NAV3: variants seen among roughly 807,000 people sequenced by gnomAD.
NAV3 encodes neuron navigator 3, also known as pore membrane and/or filament interacting like protein 1.
Under a neutral mutation model 244.7 loss-of-function variants are expected in NAV3, and 87 were observed. The observed-to-expected ratio is 0.36, with a 90% CI of 0.30 to 0.42. The LOEUF is 0.42. Ranked by LOEUF, NAV3 falls within the 20% of genes least tolerant of loss-of-function variation. The probability of loss-of-function intolerance (pLI) is 1.00; values close to 1 mark genes in which losing one functional copy is unlikely to be tolerated. For synonymous variants in NAV3, 1,126 were observed against 1,042.2 expected, an observed-to-expected ratio of 1.08 and a Z score of -1.55; for missense variants, 2,663 against 2,893.3, an observed-to-expected ratio of 0.92 and a Z score of 1.83.
chr12:77,771,240 C>A (rs1016925410), intron 2 of NAV3, among the ~76,000 whole-genome samples: 1 of 152,082 alleles, frequency 6.6e-6, no homozygotes, highest in Non-Finnish European at 1.5e-5. Context: ...GTTAGAATGG[C>A]GATCATTAAA....
At chr12:77,613,335 G>T (rs1007071595) in intron 2 of NAV3, among the ~76,000 whole-genome samples, 1 of 152,102 alleles carries the variant, frequency 6.6e-6, no homozygotes, top group Non-Finnish European at 1.5e-5. Context: ...CAGCGTTGCT[G>T]GTGTCTAAAT....
chr12:77,833,826 G>C (rs1280598859), intron 1 of NAV3, among the ~76,000 whole-genome samples: 1 of 152,146 alleles, frequency 6.6e-6, no homozygotes, highest in Non-Finnish European at 1.5e-5. Context: ...TTTTCCTCTG[G>C]AGTTGGGCCG....
At chr12:77,846,539 G>T (rs1417166201) in intron 1 of NAV3, among the ~76,000 whole-genome samples, 1 of 152,056 alleles carries the variant, frequency 6.6e-6, no homozygotes, top group Non-Finnish European at 1.5e-5. Flanking sequence ...TGGGATGATT[G>T]GTTACTCGAG....
rs1318482051 is a variant in NAV3, at chr12:77,864,130, ATTTGGTTTGTAC to A, written c.243+32430_243+32441del. On this transcript the variant is annotated intron_variant, in intron 1 of 39. Coordinates refer to ENST00000397909, the MANE Select transcript of NAV3 (RefSeq NM_001024383.2). ...AAATCCTGTGATCAGGACACCCCCA[ATTTGGTTTGTAC>A]TTTCACCATTCTATAGCTTCTTCCT... 2.0e-5 allele frequency among the ~76,000 whole-genome samples: 3 copies of A among 151,978 alleles called. No homozygotes were observed. In the East Asian group the frequency reaches 5.8e-4, roughly 29 times the overall value.
At chr12:78,000,372 G>T (rs542546326) in intron 7 of NAV3, among the ~76,000 whole-genome samples, 7 of 152,022 alleles carry the variant, frequency 4.6e-5, no homozygotes, top group Non-Finnish European at 7.4e-5. Flanking sequence ...TAAACGTGGA[G>T]TTAAAACTTT....
chr12:77,641,492 G>T (rs1872409377), intron 2 of NAV3, among the ~76,000 whole-genome samples: 1 of 152,026 alleles, frequency 6.6e-6, no homozygotes, highest in Non-Finnish European at 1.5e-5. Flanking sequence ...TGAAATAGTA[G>T]AAATAAAATG....
At chr12:77,574,094 T>C (rs1233151758) in intron 2 of NAV3, among the ~76,000 whole-genome samples, 1 of 152,124 alleles carries the variant, frequency 6.6e-6, no homozygotes, top group East Asian at 1.9e-4. Context: ...ACTACCTTGG[T>C]GATGTGGCAC....
chr12:77,635,933 T>C (rs984950405), intron 2 of NAV3, among the ~76,000 whole-genome samples: 3 of 152,224 alleles, frequency 2.0e-5, no homozygotes, highest in Admixed American at 6.5e-5. Context: ...GTCAGCCTCT[T>C]ACTCTCCATA....
chr12:78,086,571 A>T (rs896362342), intron 12 of NAV3, among the ~76,000 whole-genome samples: 5 of 152,024 alleles, frequency 3.3e-5, no homozygotes, highest in Non-Finnish European at 7.4e-5. Flanking sequence ...GACAATGTGG[A>T]TACTATTTAC....
intron 2 of NAV3, among the ~76,000 whole-genome samples, chr12:77,706,870 C>CAAAAAAAAAAAAAAAAAAAAAAACAAA (rs1875835106): frequency 1.5e-5 from 1 of 68,036 alleles, no homozygotes; most frequent in Non-Finnish European, 2.4e-5. Context: ...GACTCTGTTT[C>CAAAAAAAAAAAAAAAAAAAAAAACAAA]AAAAAAAAAA....
chr12:77,933,857 G>T (rs1405329820), intron 1 of NAV3, among the ~76,000 whole-genome samples: 1 of 152,146 alleles, frequency 6.6e-6, no homozygotes, highest in African/African-American at 2.4e-5. Context: ...AGTATGTATT[G>T]TGTCTTAATC....
At chr12:77,685,250 A>T (rs910665724) in intron 2 of NAV3, among the ~76,000 whole-genome samples, 1 of 152,220 alleles carries the variant, frequency 6.6e-6, no homozygotes, top group Admixed American at 6.5e-5. Flanking sequence ...GCTTCCTGTA[A>T]GCGGTGTGTA....
At chr12:77,954,508 T>C (rs1891186345) in intron 3 of NAV3, among the ~76,000 whole-genome samples, 1 of 152,222 alleles carries the variant, frequency 6.6e-6, no homozygotes, top group Non-Finnish European at 1.5e-5. Flanking sequence ...GAGCCTCTAC[T>C]GAATAAGAAA....
At chr12:78,039,583 G>A (rs1488992179) in intron 9 of NAV3, among the ~76,000 whole-genome samples, 1 of 151,930 alleles carries the variant, frequency 6.6e-6, no homozygotes, top group Non-Finnish European at 1.5e-5. Context: ...ATATGGATGG[G>A]GTAGAGGGCA....
chr12:77,662,560 A>G (rs1294550142), intron 2 of NAV3, among the ~76,000 whole-genome samples: 1 of 152,128 alleles, frequency 6.6e-6, no homozygotes, highest in African/African-American at 2.4e-5. Flanking sequence ...ACTGGGAAAC[A>G]GATACCTGTG....
At chr12:77,899,610 G>A (rs1885021394) in intron 1 of NAV3, among the ~76,000 whole-genome samples, 2 of 152,166 alleles carry the variant, frequency 1.3e-5, no homozygotes, top group African/African-American at 2.4e-5. Flanking sequence ...TTTACATGAG[G>A]TAGAAAACTA....
intron 2 of NAV3, among the ~76,000 whole-genome samples, chr12:77,594,560 T>C (rs1870081747): frequency 2.0e-5 from 3 of 152,188 alleles, no homozygotes; most frequent in African/African-American, 7.2e-5. Flanking sequence ...TTTAGGGCAT[T>C]AACATGCCAG....
At chr12:77,605,767 A>G (rs1167480450) in intron 2 of NAV3, among the ~76,000 whole-genome samples, 1 of 151,910 alleles carries the variant, frequency 6.6e-6, no homozygotes, top group Admixed American at 6.6e-5. Flanking sequence ...TTGAACCCAG[A>G]GGCAGAGGTT....
intron 8 of NAV3, among the ~76,000 whole-genome samples, chr12:78,018,705 CT>C (rs1366524460): frequency 1.3e-5 from 2 of 152,204 alleles, no homozygotes; most frequent in African/African-American, 4.8e-5. Context: ...CAACAAGGTG[CT>C]GTGTCTCTGT....
Sources: allele counts gnomAD v4.1 joint callset (sites outside exome capture counted in the v4.1 genomes callset), GRCh38; gene constraint gnomAD v4.1.1; transcripts MANE v1.5; gene names NCBI Gene and HGNC (gene_info 2026-07-23, HGNC 2026-07-21).